SUPT3H: variants seen among roughly 807,000 people sequenced by gnomAD.
SUPT3H encodes transcription initiation protein SPT3 homolog.
SUPT3H carries 44 observed loss-of-function variants against 44.3 expected under a neutral mutation model. That is an observed-to-expected ratio of 0.99 (90% confidence interval 0.78 to 1.28). The LOEUF (loss-of-function observed/expected upper bound fraction) is 1.28. Ranked by LOEUF, SUPT3H falls within the 50% of genes most tolerant of loss-of-function variation. SUPT3H has a pLI of 0.00. For synonymous variants in SUPT3H, 124 were observed against 125.6 expected, an observed-to-expected ratio of 0.99 and a Z score of 0.09; for missense variants, 380 against 387.1, an observed-to-expected ratio of 0.98 and a Z score of 0.15.
In SUPT3H at chr6:45,319,381, C is replaced by T. The variant is rs753187594; in HGVS notation, c.101+45820G>A. Among the ~76,000 whole-genome samples, 67 of 152,204 alleles carry T rather than the reference C, an allele frequency of 4.4e-4. 1 individual carries two copies. The highest frequency in any genetic ancestry group is 1.2e-3 in the Admixed American group (19 of 15,286). ...AGATTCCTCCTCCATAACAAAATTA[C>T]TTGAGACATATTCTTGCCGGTATAT... On this transcript the variant is annotated intron_variant, in intron 2 of 10. Transcript: ENST00000371459.
chr6:45,214,035 A>G, intron 2 of SUPT3H, among the ~76,000 whole-genome samples: 1 of 150,220 alleles, frequency 6.7e-6, no homozygotes, highest in East Asian at 1.9e-4. Context: ...AAAAAAAAAA[A>G]CAAGTCAATA....
chr6:45,214,285 A>G (rs1164264152), intron 2 of SUPT3H, among the ~76,000 whole-genome samples: 1 of 152,116 alleles, frequency 6.6e-6, no homozygotes, highest in Non-Finnish European at 1.5e-5. Flanking sequence ...TAATCTAAAA[A>G]TGAAGAAAAA....
At chr6:45,370,197 T>C (rs1346716969) in intron 1 of SUPT3H, among the ~76,000 whole-genome samples, 1 of 152,078 alleles carries the variant, frequency 6.6e-6, no homozygotes. Context: ...TGACAGTGGG[T>C]TGAATTAGTT....
chr6:44,824,933 G>A (rs1453747865), downstream of SUPT3H, among the ~76,000 whole-genome samples: 3 of 152,180 alleles, frequency 2.0e-5, no homozygotes, highest in South Asian at 6.2e-4. Flanking sequence ...ATGAATTAAT[G>A]AGCAAGCCTT....
chr6:45,367,459 A>T (rs1025784982), intron 1 of SUPT3H, among the ~76,000 whole-genome samples: 2 of 148,158 alleles, frequency 1.3e-5, no homozygotes, highest in Non-Finnish European at 3.0e-5. Context: ...GACTCGGATT[A>T]AAAAAAAAAA....
intron 3 of SUPT3H, among the ~76,000 whole-genome samples, chr6:45,038,090 G>C (rs1787958548): frequency 6.6e-6 from 1 of 152,112 alleles, no homozygotes; most frequent in Admixed American, 6.6e-5. Context: ...CCACAGTCTT[G>C]TTAGAGTCTT....
rs571767520 is a variant in SUPT3H at position 45,059,878 on chromosome 6, T to C, written c.187-39246A>G. 2.2e-4 allele frequency among the ~76,000 whole-genome samples: 33 copies of C among 152,032 alleles called. No homozygotes were observed. The South Asian group carries it at 4.4e-3, about 20-fold the overall frequency. On this transcript the variant is annotated intron_variant, in intron 3 of 10. Transcript: ENST00000371459. ...AAAAAGAATAAAATACCTGGGAATA[T>C]AGCTAACAAGGGAAGTGAAGGATCT...
chr6:45,237,672 G>A (rs1413659626), intron 2 of SUPT3H, among the ~76,000 whole-genome samples: 1 of 152,166 alleles, frequency 6.6e-6, no homozygotes, highest in East Asian at 1.9e-4. Flanking sequence ...ATGGTTAACA[G>A]ATAAGCCAAT....
intron 2 of SUPT3H, among the ~76,000 whole-genome samples, chr6:45,234,653 T>A (rs560116013): frequency 2.0e-5 from 3 of 152,314 alleles, no homozygotes; most frequent in Admixed American, 2.0e-4. Flanking sequence ...CTGCAATTTT[T>A]AAAAACTTAT....
intron 2 of SUPT3H, among the ~76,000 whole-genome samples, chr6:45,110,960 TATA>T (rs1214306225): frequency 6.6e-6 from 1 of 151,750 alleles, no homozygotes; most frequent in East Asian, 1.9e-4. Context: ...TACAAATTAA[TATA>T]ATAACAAAAC....
At chr6:44,900,741 C>G (rs988050772) in intron 10 of SUPT3H, among the ~76,000 whole-genome samples, 1 of 152,166 alleles carries the variant, frequency 6.6e-6, no homozygotes, top group African/African-American at 2.4e-5. Flanking sequence ...GGGTCCCTGA[C>G]CCCCAAGTAG....
chr6:45,274,866 A>G (rs1346388577), intron 2 of SUPT3H, among the ~76,000 whole-genome samples: 2 of 152,018 alleles, frequency 1.3e-5, no homozygotes, highest in African/African-American at 2.4e-5. Flanking sequence ...ACAGAGCAAA[A>G]CCCTGTTTCA....
intron 2 of SUPT3H, among the ~76,000 whole-genome samples, chr6:45,176,380 G>A (rs966627218): frequency 1.3e-5 from 2 of 152,024 alleles, no homozygotes; most frequent in Non-Finnish European, 2.9e-5. Context: ...CTTAAAAAGC[G>A]GCGAACCATG....
intron 10 of SUPT3H, among the ~76,000 whole-genome samples, chr6:44,842,721 A>G (rs1771172691): frequency 6.6e-6 from 1 of 152,194 alleles, no homozygotes; most frequent in Non-Finnish European, 1.5e-5. Flanking sequence ...ACACAAGGGG[A>G]ACATGATTAC....
intron 6 of SUPT3H, among the ~76,000 whole-genome samples, chr6:44,998,984 A>C (rs1188594048): frequency 6.6e-6 from 1 of 151,942 alleles, no homozygotes; most frequent in Non-Finnish European, 1.5e-5. Context: ...CTGTGACAGT[A>C]CAGTTAAATT....
intron 3 of SUPT3H, among the ~76,000 whole-genome samples, chr6:45,089,390 C>T (rs1180605083): frequency 1.3e-5 from 2 of 151,982 alleles, no homozygotes; most frequent in African/African-American, 4.8e-5. Context: ...TGAGTGGCGT[C>T]ACCCATTTCA....
intron 2 of SUPT3H, among the ~76,000 whole-genome samples, chr6:45,229,062 T>C (rs577137836): frequency 6.6e-6 from 1 of 152,216 alleles, no homozygotes; most frequent in Non-Finnish European, 1.5e-5. Context: ...CTCCAAAATA[T>C]GCTAAGATTA....
At chr6:44,942,710 G>A (rs1361248850) in intron 9 of SUPT3H, among the ~76,000 whole-genome samples, 1 of 152,096 alleles carries the variant, frequency 6.6e-6, no homozygotes, top group African/African-American at 2.4e-5. Flanking sequence ...AATAACAAGT[G>A]CCGTCACGTA....
chr6:45,173,459 T>G (rs1317453200), intron 2 of SUPT3H, among the ~76,000 whole-genome samples: 1 of 152,240 alleles, frequency 6.6e-6, no homozygotes, highest in African/African-American at 2.4e-5. Flanking sequence ...TCACAGAGAT[T>G]ACCTGCTTTA....
Sources: gnomAD v4.1 joint callset for allele counts (sites outside exome capture counted in the v4.1 genomes callset) on GRCh38, gnomAD v4.1.1 for gene constraint, MANE v1.5 for transcripts, NCBI Gene and HGNC (gene_info 2026-07-23, HGNC 2026-07-21) for gene names.